Variants in COL5A2 observed in about 807,000 individuals in gnomAD.
The protein encoded by COL5A2 is collagen alpha-2(V) chain.
COL5A2 carries 23 observed loss-of-function variants against 208.2 expected under a neutral mutation model. That is an observed-to-expected ratio of 0.11 (90% CI 0.08 to 0.16). The LOEUF (loss-of-function observed/expected upper bound fraction) is 0.16. Ranked by LOEUF, COL5A2 falls within the 10% of genes least tolerant of loss-of-function variation. COL5A2 has a pLI of 1.00. For synonymous variants in COL5A2, 625 were observed against 628.5 expected (o/e 0.99, Z 0.08); for missense variants, 1,590 against 1,956.4 (o/e 0.81, Z 3.53).
the COL5A2 span, among the ~76,000 whole-genome samples, chr2:189,389,823 T>C: frequency 1.3e-5 from 2 of 152,174 alleles, 1 homozygote; most frequent in African/African-American, 4.8e-5. Context: ...CAATGGACAA[T>C]GTTAACTTCT....
the COL5A2 span, among the ~76,000 whole-genome samples, chr2:189,428,340 C>T: frequency 0.013 from 1,951 of 152,202 alleles, 53 homozygotes; most frequent in African/African-American, 0.044. Context: ...AAACTGTGAG[C>T]CAGGCATGGT....
chr2:189,197,675 C>CA (rs201395258), intron 1 of COL5A2, among the ~76,000 whole-genome samples: 2,570 of 142,202 alleles, frequency 0.018, 73 homozygotes, highest in Admixed American at 0.08. Flanking sequence ...ATTCAAATGA[C>CA]AAAAAAAAAA....
chr2:189,314,148 T>C, the COL5A2 span, among the ~76,000 whole-genome samples: 1 of 152,200 alleles, frequency 6.6e-6, no homozygotes, highest in Admixed American at 6.5e-5. Flanking sequence ...TACATTATTC[T>C]CATTACTACA....
At chr2:189,207,673 T>G (rs1689158516) in intron 1 of COL5A2, among the ~76,000 whole-genome samples, 1 of 152,218 alleles carries the variant, frequency 6.6e-6, no homozygotes, top group Non-Finnish European at 1.5e-5. Flanking sequence ...CCATGTTAGC[T>G]GTCTCCATTT....
the COL5A2 span, among the ~76,000 whole-genome samples, chr2:189,367,478 C>T: frequency 2.0e-5 from 3 of 152,162 alleles, no homozygotes; most frequent in Non-Finnish European, 4.4e-5. Flanking sequence ...TCTCCCAGAT[C>T]GACTACACTA....
At chr2:189,050,491 C>A (rs1350259142) in intron 43 of COL5A2, 78 bp downstream of exon 43, 19 of 1,212,376 alleles carry the variant, frequency 1.6e-5, no homozygotes, top group Non-Finnish European at 1.9e-5. Flanking sequence ...ATTCATCAAG[C>A]AAAAAAAATA....
chr2:189,228,284 G>A (rs1441343880), upstream of COL5A2, among the ~76,000 whole-genome samples: 1 of 151,734 alleles, frequency 6.6e-6, no homozygotes, highest in African/African-American at 2.4e-5. Flanking sequence ...AAAGTTAGCA[G>A]AGGGAAAGAA....
chr2:189,193,295 A>T (rs1305034011), intron 1 of COL5A2, among the ~76,000 whole-genome samples: 2 of 152,212 alleles, frequency 1.3e-5, no homozygotes, highest in African/African-American at 4.8e-5. Context: ...GATGAACTAA[A>T]AGAAGAACAA....
intron 1 of COL5A2, among the ~76,000 whole-genome samples, chr2:189,130,315 G>A (rs1687686337): frequency 6.6e-6 from 1 of 152,010 alleles, no homozygotes; most frequent in South Asian, 2.1e-4. Context: ...TAGACTTCTA[G>A]AAGTAAGTGT....
chr2:189,238,976 A>C, the COL5A2 span, among the ~76,000 whole-genome samples: 1 of 152,182 alleles, frequency 6.6e-6, no homozygotes, highest in Non-Finnish European at 1.5e-5. Context: ...TACTCTGTTT[A>C]AAATACAATT....
intron 31 of COL5A2, among the ~76,000 whole-genome samples, chr2:189,059,964 C>G (rs1267464249): frequency 6.6e-6 from 1 of 151,980 alleles, no homozygotes; most frequent in Non-Finnish European, 1.5e-5. Context: ...CATAATCAGG[C>G]CCCTGAGTCA....
chr2:189,142,222 C>T (rs1559122815), intron 1 of COL5A2, among the ~76,000 whole-genome samples: 1 of 151,942 alleles, frequency 6.6e-6, no homozygotes, highest in Non-Finnish European at 1.5e-5. Flanking sequence ...CAAGATTACT[C>T]TTCGAACTAG....
At chr2:189,209,003 T>C (rs1689176181) in intron 1 of COL5A2, among the ~76,000 whole-genome samples, 1 of 152,188 alleles carries the variant, frequency 6.6e-6, no homozygotes, top group Non-Finnish European at 1.5e-5. Context: ...TCGGAGGTAC[T>C]AGTAGCATGC....
At chr2:189,431,760 C>T in the COL5A2 span, among the ~76,000 whole-genome samples, 2 of 152,050 alleles carry the variant, frequency 1.3e-5, no homozygotes, top group South Asian at 2.1e-4. Context: ...GGAACCAAGT[C>T]CGAAAGCACT....
At chr2:189,095,937 T>C (rs1686900981) in intron 6 of COL5A2, 1 of 151,498 alleles carries the variant, frequency 6.6e-6, no homozygotes, top group Non-Finnish European at 1.5e-5. Context: ...TATAATAATC[T>C]GGACACACCC....
the COL5A2 span, among the ~76,000 whole-genome samples, chr2:189,335,150 C>G: frequency 6.6e-6 from 1 of 151,980 alleles, no homozygotes; most frequent in Non-Finnish European, 1.5e-5. Context: ...AACATCTTCA[C>G]GACCTTGAGG....
chr2:189,266,605 G>C, the COL5A2 span, among the ~76,000 whole-genome samples: 1 of 152,126 alleles, frequency 6.6e-6, no homozygotes, highest in African/African-American at 2.4e-5. Flanking sequence ...GTGGTTGTTA[G>C]AGGCAGGAAT....
the COL5A2 span, among the ~76,000 whole-genome samples, chr2:189,398,980 A>T: frequency 7.2e-5 from 11 of 152,290 alleles, no homozygotes; most frequent in Middle Eastern, 3.4e-3. Context: ...AGAATAATTG[A>T]ATTCCATAAA....
At chr2:189,358,844 T>C in the COL5A2 span, among the ~76,000 whole-genome samples, 33,476 of 152,024 alleles carry the variant, frequency 0.22, 3,812 homozygotes, top group South Asian at 0.26. Flanking sequence ...ATAAAAGTGA[T>C]TGCCTTCTTG....
Sources: gnomAD v4.1 joint callset for allele counts (sites outside exome capture counted in the v4.1 genomes callset) on GRCh38, gnomAD v4.1.1 for gene constraint, MANE v1.5 for transcripts, NCBI Gene and HGNC (gene_info 2026-07-23, HGNC 2026-07-21) for gene names.